Variants in PDGFC observed in about 807,000 individuals in gnomAD.
PDGFC encodes the protein platelet-derived growth factor C.
Under a neutral mutation model 35.5 loss-of-function variants are expected in PDGFC, and 12 were observed. The ratio of observed to expected loss-of-function variants is 0.34; its 90% CI spans 0.22 to 0.55. PDGFC has a LOEUF of 0.55. Among genes scored for constraint, PDGFC ranks in the 20% least tolerant of loss-of-function variants. PDGFC has a pLI of 0.91. For missense variants in PDGFC, 322 were observed against 412.4 expected, an observed-to-expected ratio of 0.78 and a Z score of 1.90; for synonymous variants, 159 against 148.8, an observed-to-expected ratio of 1.07 and a Z score of -0.50.
intron 1 of PDGFC, among the ~76,000 whole-genome samples, chr4:156,933,353 A>G (rs1481645975): frequency 6.6e-6 from 1 of 152,234 alleles, no homozygotes; most frequent in Non-Finnish European, 1.5e-5. Context: ...AATACACGGC[A>G]TCTTTTGTGG....
intron 1 of PDGFC, among the ~76,000 whole-genome samples, chr4:156,965,109 C>A (rs968145036): frequency 6.6e-6 from 1 of 152,302 alleles, no homozygotes; most frequent in Non-Finnish European, 1.5e-5. Context: ...AAACGTGGTA[C>A]TCTGATTGGC....
chr4:156,943,506 C>G (rs1277055292), intron 1 of PDGFC, among the ~76,000 whole-genome samples: 1 of 152,082 alleles, frequency 6.6e-6, no homozygotes, highest in African/African-American at 2.4e-5. Context: ...AATGCACTTT[C>G]AACTCTGACA....
At chr4:156,936,924 T>G (rs1281080257) in intron 1 of PDGFC, among the ~76,000 whole-genome samples, 1 of 152,202 alleles carries the variant, frequency 6.6e-6, no homozygotes, top group Admixed American at 6.5e-5. Context: ...AGGTTTCTGA[T>G]GTGAACAATT....
chr4:156,803,972 G>C (rs1261809353), intron 3 of PDGFC, among the ~76,000 whole-genome samples: 1 of 152,030 alleles, frequency 6.6e-6, no homozygotes, highest in Non-Finnish European at 1.5e-5. Flanking sequence ...ACTGACCGTT[G>C]ACAAAATTGA....
At chr4:156,966,038 C>A (rs1248063547) in intron 1 of PDGFC, among the ~76,000 whole-genome samples, 1 of 152,046 alleles carries the variant, frequency 6.6e-6, no homozygotes, top group Admixed American at 6.6e-5. Flanking sequence ...CTCTTCCCAA[C>A]TCATTGGAAA....
At chr4:156,874,757 C>T (rs1439989828) in intron 1 of PDGFC, among the ~76,000 whole-genome samples, 1 of 151,766 alleles carries the variant, frequency 6.6e-6, no homozygotes, top group Non-Finnish European at 1.5e-5. Context: ...CAGTATGTTG[C>T]CTAGGTTCGT....
chr4:156,967,394 T>C (rs1338665632), intron 1 of PDGFC: 3 of 152,056 alleles, frequency 2.0e-5, no homozygotes, highest in African/African-American at 7.2e-5. Flanking sequence ...CCAAAGTAAA[T>C]TGCCCCACAT....
At position 156,765,441 on chromosome 4, in the gene PDGFC, G is replaced by A. The variant is rs557557185; in HGVS notation, c.922-2235C>T. Among the ~76,000 whole-genome samples, 10 of 152,150 alleles carry A rather than the reference G, an allele frequency of 6.6e-5. No individual in the cohort carries two copies. In the East Asian group the frequency reaches 9.7e-4, roughly 15 times the overall value. ...TAGTAGATAAGACACAGAGAGAACC[G>A]GCAAGGAACAAATGCTCATGGACCA... On this transcript the variant is annotated intron_variant, in intron 5 of 5. Coordinates refer to ENST00000502773, the MANE Select transcript of PDGFC (RefSeq NM_016205.3).
chr4:156,772,612 G>T, intron 4 of PDGFC, 74 bp downstream of exon 4: 1 of 897,608 alleles, frequency 1.1e-6, no homozygotes, highest in Non-Finnish European at 1.8e-6. Flanking sequence ...CCCTTTAGAA[G>T]CTGTGGCAGA....
chr4:156,773,802 T>A (rs1159189568), intron 3 of PDGFC: 1 of 152,192 alleles, frequency 6.6e-6, no homozygotes, highest in African/African-American at 2.4e-5. Flanking sequence ...GCACAACACT[T>A]TAGCTGATGT....
At chr4:156,874,888 TG>T (rs1308510779) in intron 1 of PDGFC, among the ~76,000 whole-genome samples, 1 of 151,972 alleles carries the variant, frequency 6.6e-6, no homozygotes, top group Non-Finnish European at 1.5e-5. Context: ...AGCTAATTTT[TG>T]TATTTTTTTG....
At chr4:156,911,867 C>T (rs746443132) in intron 1 of PDGFC, among the ~76,000 whole-genome samples, 16 of 152,028 alleles carry the variant, frequency 1.1e-4, no homozygotes, top group Non-Finnish European at 1.8e-4. Flanking sequence ...AGTTATATGT[C>T]CTATGTGGAG....
chr4:156,897,547 C>T (rs1047386775), intron 1 of PDGFC, among the ~76,000 whole-genome samples: 1 of 151,912 alleles, frequency 6.6e-6, no homozygotes, highest in Non-Finnish European at 1.5e-5. Context: ...AGGACAGAGG[C>T]TGATGCAAAA....
At chr4:156,970,620 C>G (rs570298426) in intron 1 of PDGFC, among the ~76,000 whole-genome samples, 166 bp downstream of exon 1, 1 of 152,314 alleles carries the variant, frequency 6.6e-6, no homozygotes, top group South Asian at 2.1e-4. Flanking sequence ...TTGCAAACTA[C>G]ACTTAACCTT....
chr4:156,770,889 T>C (rs1480675422), intron 4 of PDGFC, among the ~76,000 whole-genome samples: 1 of 152,182 alleles, frequency 6.6e-6, no homozygotes, highest in Non-Finnish European at 1.5e-5. Flanking sequence ...CACTGTGATG[T>C]TTATTCTGTG....
intron 2 of PDGFC, among the ~76,000 whole-genome samples, chr4:156,814,230 A>G (rs1020451749): frequency 6.6e-6 from 1 of 152,126 alleles, no homozygotes; most frequent in Non-Finnish European, 1.5e-5. Flanking sequence ...GGCTTCATAG[A>G]GGGGAGTAAC....
At chr4:156,800,699 T>C (rs1731580203) in intron 3 of PDGFC, among the ~76,000 whole-genome samples, 1 of 152,130 alleles carries the variant, frequency 6.6e-6, no homozygotes, top group Non-Finnish European at 1.5e-5. Flanking sequence ...TACATTAATG[T>C]TATAACAGAG....
chr4:156,824,967 G>A, intron 2 of PDGFC, among the ~76,000 whole-genome samples: 1 of 152,130 alleles, frequency 6.6e-6, no homozygotes, highest in East Asian at 1.9e-4. Flanking sequence ...TTAAGTAACA[G>A]TTCATAGACA....
chr4:156,955,208 C>A (rs1052816788), intron 1 of PDGFC, among the ~76,000 whole-genome samples: 1 of 151,940 alleles, frequency 6.6e-6, no homozygotes, highest in African/African-American at 2.4e-5. Flanking sequence ...TTCCACACCC[C>A]AGGCACTAAC....
Sources: gnomAD v4.1 joint callset for allele counts (sites outside exome capture counted in the v4.1 genomes callset) on GRCh38, gnomAD v4.1.1 for gene constraint, MANE v1.5 for transcripts, NCBI Gene and HGNC (gene_info 2026-07-23, HGNC 2026-07-21) for gene names.